RBMS3: variants seen among roughly 807,000 people sequenced by gnomAD.
The protein encoded by RBMS3 is RNA-binding motif, single-stranded-interacting protein 3.
A neutral mutation model predicts 66.8 loss-of-function variants in RBMS3; 27 were observed. The observed-to-expected ratio is 0.40, with a 90% CI of 0.30 to 0.56. The LOEUF (loss-of-function observed/expected upper bound fraction) is 0.56, where lower values mean the gene tolerates loss of function less well. Among genes scored for constraint, RBMS3 ranks in the 20% least tolerant of loss-of-function variants. The pLI is 0.40. For missense variants in RBMS3, 513 were observed against 549.5 expected (o/e 0.93, Z 0.66); for synonymous variants, 188 against 183.0 (o/e 1.03, Z -0.22).
Position 29,283,130 on chromosome 3 carries a change from G to C in RBMS3, c.75+1374G>C, listed in dbSNP as rs540464935. On this transcript the variant is annotated intron_variant, in intron 1 of 14. Transcript: ENST00000383767. ...ATTCCTCAAGGAAATGGCAGAGCAAGGACAAGTTAAAAGGGGAAAATTTAC... is the reference window on the plus strand; with the variant it reads ...ATTCCTCAAGGAAATGGCAGAGCAACGACAAGTTAAAAGGGGAAAATTTAC... Among the ~76,000 whole-genome samples, 4 of 152,098 alleles carry C rather than the reference G, an allele frequency of 2.6e-5. No homozygotes were observed. The East Asian group carries it at 7.8e-4, about 30-fold the overall frequency.
At chr3:29,336,027 TAACAA>T (rs2035928032) in intron 1 of RBMS3, among the ~76,000 whole-genome samples, 1 of 152,166 alleles carries the variant, frequency 6.6e-6, no homozygotes, top group Admixed American at 6.5e-5. Flanking sequence ...CGGTTTTTCT[TAACAA>T]AGGAAAACCA....
At chr3:29,764,720 A>G (rs1170217897) in intron 6 of RBMS3, among the ~76,000 whole-genome samples, 4 of 152,186 alleles carry the variant, frequency 2.6e-5, no homozygotes, top group Middle Eastern at 3.4e-3. Flanking sequence ...CAATGAACAT[A>G]TTGCTGACTA....
At chr3:29,757,662 A>G (rs2055484139) in intron 5 of RBMS3, among the ~76,000 whole-genome samples, 1 of 152,194 alleles carries the variant, frequency 6.6e-6, no homozygotes, top group South Asian at 2.1e-4. Context: ...ATTTTAATGT[A>G]CAGTGATTTT....
At chr3:29,619,298 CAGTTTT>C (rs141827063) in intron 4 of RBMS3, among the ~76,000 whole-genome samples, 2,998 of 148,744 alleles carry the variant, frequency 0.02, 40 homozygotes, top group Admixed American at 0.029. Flanking sequence ...ATAAAGAAAA[CAGTTTT>C]AGTTTAAAAA....
At chr3:29,733,586 T>C (rs1899115) in intron 4 of RBMS3, among the ~76,000 whole-genome samples, 82,313 of 151,766 alleles carry the variant, frequency 0.54, 23,072 homozygotes, top group African/African-American at 0.7. Context: ...GATATATCAT[T>C]GTGGTTTTGA....
At chr3:29,920,685 C>A (rs1193501005) in intron 10 of RBMS3, among the ~76,000 whole-genome samples, 2 of 151,846 alleles carry the variant, frequency 1.3e-5, no homozygotes, top group African/African-American at 4.8e-5. Context: ...AACTTAAATA[C>A]CTCAGATAGG....
chr3:29,758,826 A>G (rs752485075), intron 5 of RBMS3, among the ~76,000 whole-genome samples: 4 of 152,192 alleles, frequency 2.6e-5, no homozygotes, highest in Admixed American at 2.6e-4. Context: ...GACCCTGTGC[A>G]TACGTAAATC....
chr3:29,587,314 G>A, intron 4 of RBMS3, 109 bp downstream of exon 4: 1 of 608,884 alleles, frequency 1.6e-6, no homozygotes, highest in Non-Finnish European at 2.5e-6. Flanking sequence ...AAGGAAGAAG[G>A]AGAGATTAAA....
intron 2 of RBMS3, among the ~76,000 whole-genome samples, chr3:29,487,260 T>A (rs1459398257): frequency 2.0e-5 from 3 of 150,916 alleles, no homozygotes; most frequent in Non-Finnish European, 4.4e-5. Context: ...GGATTGGGAG[T>A]TTTTAAAGGG....
chr3:29,822,111 G>C (rs141305625), intron 6 of RBMS3, among the ~76,000 whole-genome samples: 1 of 152,272 alleles, frequency 6.6e-6, no homozygotes, highest in East Asian at 1.9e-4. Flanking sequence ...AAGCTTTCTT[G>C]TGTGCTTTTC....
intron 4 of RBMS3, among the ~76,000 whole-genome samples, chr3:29,625,969 A>G (rs1464635605): frequency 6.6e-6 from 1 of 152,150 alleles, no homozygotes; most frequent in East Asian, 1.9e-4. Context: ...TACTGGGAAA[A>G]GAACAGTTCC....
At chr3:29,803,408 T>C (rs2057449101) in intron 6 of RBMS3, among the ~76,000 whole-genome samples, 1 of 152,112 alleles carries the variant, frequency 6.6e-6, no homozygotes. Flanking sequence ...CAAAATAGAA[T>C]ACCCAGCTTC....
At chr3:29,631,731 A>G (rs1161313384) in intron 4 of RBMS3, among the ~76,000 whole-genome samples, 4 of 151,816 alleles carry the variant, frequency 2.6e-5, no homozygotes, top group African/African-American at 9.7e-5. Flanking sequence ...GTCTTTGTAA[A>G]TCACTATTTG....
intron 1 of RBMS3, among the ~76,000 whole-genome samples, chr3:29,406,382 G>A (rs953210353): frequency 2.0e-5 from 3 of 152,176 alleles, no homozygotes; most frequent in African/African-American, 7.2e-5. Flanking sequence ...TGTACTAAAA[G>A]CTATGACTGT....
At chr3:29,748,665 T>C (rs2055036183) in intron 5 of RBMS3, among the ~76,000 whole-genome samples, 1 of 152,136 alleles carries the variant, frequency 6.6e-6, no homozygotes, top group South Asian at 2.1e-4. Flanking sequence ...ATCAAAAGTC[T>C]CCAACTCATG....
At chr3:29,303,994 A>C (rs1044106891) in intron 1 of RBMS3, among the ~76,000 whole-genome samples, 1 of 151,954 alleles carries the variant, frequency 6.6e-6, no homozygotes, top group Non-Finnish European at 1.5e-5. Context: ...CCATGAGAAC[A>C]GTATGGGGGA....
intron 3 of RBMS3, among the ~76,000 whole-genome samples, chr3:29,523,813 C>A (rs1244357437): frequency 6.6e-6 from 1 of 152,078 alleles, no homozygotes; most frequent in African/African-American, 2.4e-5. Flanking sequence ...TAGCTCACTG[C>A]AGCCTCTACC....
intron 4 of RBMS3, among the ~76,000 whole-genome samples, chr3:29,647,831 G>A (rs1173422008): frequency 2.6e-5 from 4 of 152,106 alleles, no homozygotes; most frequent in African/African-American, 7.2e-5. Context: ...AAGTTATTAA[G>A]AGTATTTTTA....
chr3:29,482,244 C>T (rs1430734358), intron 2 of RBMS3, among the ~76,000 whole-genome samples: 2 of 152,090 alleles, frequency 1.3e-5, no homozygotes, highest in Non-Finnish European at 2.9e-5. Flanking sequence ...ATATATATCC[C>T]CAAATTACAT....
Sources: allele counts gnomAD v4.1 joint callset (sites outside exome capture counted in the v4.1 genomes callset), GRCh38; gene constraint gnomAD v4.1.1; transcripts MANE v1.5; gene names NCBI Gene and HGNC (gene_info 2026-07-23, HGNC 2026-07-21).